RIN3: variants seen among roughly 807,000 people sequenced by gnomAD.
RIN3 encodes Ras and Rab interactor 3.
A neutral mutation model predicts 76.3 loss-of-function variants in RIN3; 54 were observed. That is an observed-to-expected ratio of 0.71 (90% CI 0.57 to 0.89). RIN3 has a LOEUF of 0.89. Ranked by LOEUF, RIN3 falls within the 40% of genes least tolerant of loss-of-function variation. RIN3 has a pLI of 0.00. For missense variants in RIN3, 1,256 were observed against 1,322.1 expected (o/e 0.95, Z 0.78); for synonymous variants, 576 against 564.0 (o/e 1.02, Z -0.30).
At position 92,656,745 on chromosome 14, in the gene RIN3, C is replaced by T. The variant is rs147004159; in HGVS notation, c.2027-2416C>T. Among the ~76,000 whole-genome samples the T allele has an allele frequency of 1.3e-5, 2 of 152,178 alleles. No individual in the cohort carries two copies. Among genetic ancestry groups the T allele is most frequent in the African/African-American group, 4.8e-5 (2 of 41,434 alleles). ...CCAAGGATGGGAAGGGCTGGAGCTA[C>T]AGAGATGGAGAGAAGGGCCCTTCAG... On this transcript the variant is annotated intron_variant, in intron 6 of 9. Transcript: ENST00000216487. This position sits in a 1 kb window ranked among gnomAD's most constrained non-coding sequence, Gnocchi z 5.2.
intron 1 of RIN3, among the ~76,000 whole-genome samples, chr14:92,520,808 C>T (rs1896577734): frequency 6.6e-6 from 1 of 152,206 alleles, no homozygotes; most frequent in African/African-American, 2.4e-5. Context: ...AAGAAAGAGT[C>T]ACCGGGGACC....
rs996495866 is a variant in RIN3 at position 92,656,663 on chromosome 14, G to A, written c.2027-2498G>A. On this transcript the variant is annotated intron_variant, in intron 6 of 9. Transcript: ENST00000216487. The surrounding 1 kb of genome is among the most constrained non-coding windows in gnomAD (Gnocchi z 5.2). Reference sequence around the variant, plus strand: ...TGTCACCAGAGCCTGCCGTGGGCACGAATGTGTGGGGCAGAGAGGTTTCCA... The same window carrying A: ...TGTCACCAGAGCCTGCCGTGGGCACAAATGTGTGGGGCAGAGAGGTTTCCA... Among the ~76,000 whole-genome samples, 7 of 152,214 alleles carry A rather than the reference G, an allele frequency of 4.6e-5. No individual in the cohort carries two copies. Among genetic ancestry groups the A allele is most frequent in the African/African-American group, 1.2e-4 (5 of 41,462 alleles).
intron 3 of RIN3, among the ~76,000 whole-genome samples, chr14:92,583,177 A>T (rs1000356318): frequency 6.6e-6 from 1 of 152,114 alleles, no homozygotes; most frequent in African/African-American, 2.4e-5. Flanking sequence ...TGGTCAAGGG[A>T]AAGGCCCAGG....
At chr14:92,585,422 T>C (rs1483928228) in intron 3 of RIN3, among the ~76,000 whole-genome samples, 1 of 152,170 alleles carries the variant, frequency 6.6e-6, no homozygotes, top group Non-Finnish European at 1.5e-5. Flanking sequence ...TCTCCTTTCC[T>C]GAATTTAAAA....
At chr14:92,671,374 A>T (rs1279722182) in intron 7 of RIN3, among the ~76,000 whole-genome samples, 1 of 152,076 alleles carries the variant, frequency 6.6e-6, no homozygotes, top group African/African-American at 2.4e-5. Flanking sequence ...GTGCACTCAG[A>T]GTTCAGGGAA....
At chr14:92,576,049 A>G (rs1271606744) in intron 2 of RIN3, among the ~76,000 whole-genome samples, 2 of 152,100 alleles carry the variant, frequency 1.3e-5, no homozygotes, top group East Asian at 3.9e-4. Flanking sequence ...GGAGAGGCTT[A>G]AGCTCCAGGG....
At chr14:92,673,989 T>G (rs186643733) in intron 7 of RIN3, among the ~76,000 whole-genome samples, 2 of 152,348 alleles carry the variant, frequency 1.3e-5, no homozygotes, top group East Asian at 3.9e-4. Context: ...TTGAGTGTAG[T>G]GCGTTTGTTA....
At chr14:92,520,482 G>C (rs61270237) in intron 1 of RIN3, among the ~76,000 whole-genome samples, 10,079 of 152,268 alleles carry the variant, frequency 0.066, 1,122 homozygotes, top group African/African-American at 0.23. Context: ...ACTCTGGGAC[G>C]TTTAGCAAAG....
intron 2 of RIN3, among the ~76,000 whole-genome samples, chr14:92,570,328 A>G (rs1359268739): frequency 1.3e-5 from 2 of 149,442 alleles, no homozygotes; most frequent in Admixed American, 6.7e-5. Context: ...AGATACACAC[A>G]CACACACACA....
chr14:92,678,595 C>T (rs1368119212), intron 8 of RIN3, among the ~76,000 whole-genome samples: 1 of 150,832 alleles, frequency 6.6e-6, no homozygotes, highest in Non-Finnish European at 1.5e-5. Context: ...ATCTACCCAT[C>T]CACATATCCA....
At chr14:92,661,538 A>G (rs1313228703) in intron 7 of RIN3, among the ~76,000 whole-genome samples, 1 of 152,192 alleles carries the variant, frequency 6.6e-6, no homozygotes, top group Non-Finnish European at 1.5e-5. Flanking sequence ...AGCCTGGCCA[A>G]CATGGTGAAA....
At chr14:92,653,859 A>G (rs987227778) in intron 6 of RIN3, among the ~76,000 whole-genome samples, 1 of 152,240 alleles carries the variant, frequency 6.6e-6, no homozygotes, top group East Asian at 1.9e-4. Context: ...CTCTACAAAA[A>G]ATACAAAAAT....
At chr14:92,549,923 G>A (rs1333028106) in intron 1 of RIN3, among the ~76,000 whole-genome samples, 1 of 152,194 alleles carries the variant, frequency 6.6e-6, no homozygotes, top group East Asian at 1.9e-4. Context: ...ATTATCCAAG[G>A]TCCCCGGTTC....
intron 3 of RIN3, among the ~76,000 whole-genome samples, chr14:92,585,000 T>G (rs1884716362): frequency 6.6e-6 from 1 of 152,072 alleles, no homozygotes; most frequent in Non-Finnish European, 1.5e-5. Context: ...TCCCCTGGCT[T>G]GCTTTATTTA....
intron 7 of RIN3, among the ~76,000 whole-genome samples, chr14:92,676,108 C>T (rs1888450448): frequency 6.6e-6 from 1 of 151,716 alleles, no homozygotes; most frequent in African/African-American, 2.4e-5. Flanking sequence ...GGGAACCTTG[C>T]CAGGAGCCAT....
intron 2 of RIN3, among the ~76,000 whole-genome samples, chr14:92,562,113 C>A (rs1308590214): frequency 6.6e-6 from 1 of 152,168 alleles, no homozygotes; most frequent in Non-Finnish European, 1.5e-5. Flanking sequence ...ATGACCTTGG[C>A]AGTTTTGAGG....
intron 1 of RIN3, among the ~76,000 whole-genome samples, chr14:92,533,441 G>A (rs1362718453): frequency 6.6e-6 from 1 of 152,162 alleles, no homozygotes; most frequent in Non-Finnish European, 1.5e-5. Flanking sequence ...ATTCACAATT[G>A]CAAAAATATG....
chr14:92,607,610 A>C (rs529187863), intron 3 of RIN3, among the ~76,000 whole-genome samples: 1 of 152,294 alleles, frequency 6.6e-6, no homozygotes, highest in African/African-American at 2.4e-5. Flanking sequence ...CCCCTTCCCC[A>C]AAAAAGGATG....
chr14:92,659,524 T>C, intron 7 of RIN3, 55 bp downstream of exon 7: 2 of 1,480,022 alleles, frequency 1.4e-6, no homozygotes, highest in Admixed American at 2.1e-5. Context: ...TATGGGTCCA[T>C]GACCCCACCC....
Sources: allele counts gnomAD v4.1 joint callset (sites outside exome capture counted in the v4.1 genomes callset), GRCh38; gene constraint gnomAD v4.1.1; non-coding constraint Gnocchi (gnomAD v3.1); transcripts MANE v1.5; gene names NCBI Gene and HGNC (gene_info 2026-07-23, HGNC 2026-07-21).